The following LAMA4 variants were observed in gnomAD, a reference collection of about 807,000 sequenced individuals.
LAMA4 encodes laminin subunit alpha 4.
A neutral mutation model predicts 207.1 loss-of-function variants in LAMA4; 127 were observed. The observed-to-expected ratio is 0.61, with a 90% CI of 0.53 to 0.71. The LOEUF is 0.71. LAMA4 is among the 30% of genes least tolerant of loss of function. The probability of loss-of-function intolerance (pLI) is 0.00; values close to 1 mark genes in which losing one functional copy is unlikely to be tolerated. For missense variants in LAMA4, 2,093 were observed against 2,246.5 expected (o/e 0.93, Z 1.38); for synonymous variants, 761 against 816.0 (o/e 0.93, Z 1.15).
At chr6:112,217,247 A>G (rs1301572862) in intron 2 of LAMA4, among the ~76,000 whole-genome samples, 1 of 152,154 alleles carries the variant, frequency 6.6e-6, no homozygotes, top group Non-Finnish European at 1.5e-5. Flanking sequence ...GTGCCATTTG[A>G]GACACATTAT....
rs1554334170 is a variant in LAMA4 at position 112,144,895 on chromosome 6, G to A, written c.2392C>T (p.Gln798Ter). 1 of 1,614,030 alleles carries A rather than the reference G, an allele frequency of 6.2e-7. No individual in the cohort carries two copies. The highest frequency in any genetic ancestry group is 8.5e-7 in the Non-Finnish European group (1 of 1,179,994). ...CGCTTCTGCTCAACCGTACGAAGCTGATCCAGGAGCTGAGGGACAACCTCG... is the reference window on the plus strand; with the variant it reads ...CGCTTCTGCTCAACCGTACGAAGCTAATCCAGGAGCTGAGGGACAACCTCG... ...LTEVVPQLLD[Q>*]LRTVEQKRPA... The change falls in exon 19 of 39, where the codon CAG becomes TAG. Residue 798 changes from glutamine (Q) to a stop codon, truncating the protein, a stop_gained. Transcript: ENST00000230538. LOFTEE classifies it high-confidence loss of function.
At chr6:112,243,714 T>C (rs1301691519) in intron 2 of LAMA4, among the ~76,000 whole-genome samples, 1 of 152,196 alleles carries the variant, frequency 6.6e-6, no homozygotes, top group Non-Finnish European at 1.5e-5. Flanking sequence ...TAGAAGTAGA[T>C]ATCTTTTACA....
intron 3 of LAMA4, among the ~76,000 whole-genome samples, chr6:112,209,542 T>A (rs562373654): frequency 6.6e-6 from 1 of 152,312 alleles, no homozygotes; most frequent in Admixed American, 6.5e-5. Context: ...TTCTGGGAGA[T>A]TGGCAGACAG....
At chr6:112,163,206 C>A (rs536943298) in intron 13 of LAMA4, among the ~76,000 whole-genome samples, 1 of 152,192 alleles carries the variant, frequency 6.6e-6, no homozygotes, top group Admixed American at 6.5e-5. Context: ...TCTTGAACTC[C>A]TGGGTTCAAG....
rs782415114 is a variant in LAMA4 at position 112,109,597 on chromosome 6, A to C, written c.5327-15T>G. 6.2e-7 allele frequency: 1 copy of C among 1,613,994 alleles called. No homozygotes were observed. The highest frequency in any genetic ancestry group is 1.3e-5 in the African/African-American group (1 of 75,048). ...CAGTAGAGATTCTGAAAAGAGCAAG[A>C]AATAAAAACAAAGATTGCAATTGAG... On this transcript the variant is annotated splice_polypyrimidine_tract_variant and intron_variant, in intron 38 of 38. Coordinates refer to ENST00000230538, the MANE Select transcript of LAMA4 (RefSeq NM_001105206.3).
At chr6:112,231,447 A>T (rs1471280450) in intron 2 of LAMA4, among the ~76,000 whole-genome samples, 1 of 152,220 alleles carries the variant, frequency 6.6e-6, no homozygotes, top group Non-Finnish European at 1.5e-5. Context: ...CTCAATTTAA[A>T]TACAATAATT....
intron 17 of LAMA4, 196 bp downstream of exon 17, chr6:112,150,315 G>T: frequency 3.2e-6 from 2 of 624,042 alleles, no homozygotes; most frequent in Non-Finnish European, 5.8e-6. Context: ...TACGTGGTGT[G>T]ATTACAGCAT....
intron 24 of LAMA4, among the ~76,000 whole-genome samples, chr6:112,138,293 T>TG (rs1366348342): frequency 6.6e-6 from 1 of 152,180 alleles, no homozygotes; most frequent in Non-Finnish European, 1.5e-5. Context: ...GAAAACTATT[T>TG]GAGTTAGTAG....
intron 4 of LAMA4, 110 bp from the exon 5 acceptor site, chr6:112,201,798 G>A (rs1554352583): frequency 5.6e-6 from 5 of 892,558 alleles, no homozygotes; most frequent in East Asian, 2.4e-5. Flanking sequence ...TCTAATGGGT[G>A]CAATCATTTT....
At position 112,165,156 on chromosome 6, in the gene LAMA4, T is replaced by G; in HGVS notation, c.1668+4A>C. On this transcript the variant is annotated splice_donor_region_variant and intron_variant, in intron 13 of 38. Coordinates refer to ENST00000230538, the MANE Select transcript of LAMA4 (RefSeq NM_001105206.3). ...AAACCTGAACAAGTCACGTGCGTCC[T>G]TACCTTTATTATATCATCAAGTTCT... The G allele has an allele frequency of 6.4e-7, 1 of 1,553,356 alleles. No individual in the cohort carries two copies. Among genetic ancestry groups the G allele is most frequent in the Non-Finnish European group, 8.9e-7 (1 of 1,124,610 alleles).
intron 31 of LAMA4, 140 bp from the exon 32 acceptor site, chr6:112,122,341 TCTTTCCTACC>T (rs1481125887): frequency 4.5e-6 from 3 of 671,074 alleles, no homozygotes; most frequent in Non-Finnish European, 7.7e-6. Context: ...AGGTCCCCTC[TCTTTCCTACC>T]TCTAGCCCCA....
Position 112,172,709 on chromosome 6 carries a change from A to G in LAMA4, c.1453T>C (p.Leu485=), listed in dbSNP as rs1157197193. Residue 485 remains leucine, a synonymous_variant, in exon 12 of 39, where the codon TTG becomes CTG. Transcript: ENST00000230538. ...LEQLDDYNAK[L]SDLQEALDQA... is the part of the protein sequence containing the mutation. Reference sequence around the variant, plus strand: ...TCAAGTGCTTCCTGGAGATCTGACAACTTAGCATTGTAGTCATCCAGCTGC... The same window carrying G: ...TCAAGTGCTTCCTGGAGATCTGACAGCTTAGCATTGTAGTCATCCAGCTGC... 8.1e-6 allele frequency: 13 copies of G among 1,613,864 alleles called. No individual in the cohort carries two copies. Among genetic ancestry groups the G allele is most frequent in the Non-Finnish European group, 7.6e-6 (9 of 1,179,968 alleles).
At position 112,185,569 on chromosome 6, in the gene LAMA4, A is replaced by G. The variant is rs192645437; in HGVS notation, c.967-222T>C. Among the ~76,000 whole-genome samples, 1,067 of 152,264 alleles carry G rather than the reference A, an allele frequency of 7.0e-3. 6 individuals carry two copies. The highest frequency in any genetic ancestry group is 0.011 in the Non-Finnish European group (757 of 67,996). On this transcript the variant is annotated intron_variant, in intron 8 of 38. Transcript: ENST00000230538. ...TTCTGCAAGCTCCACTCACTAGACC[A>G]GGGATGCTGGTCAGGGGCTGGGTTG... is the stretch of plus-strand genomic sequence containing the variant.
At chr6:112,132,529 C>A (rs1330736749) in intron 28 of LAMA4, among the ~76,000 whole-genome samples, 1 of 152,120 alleles carries the variant, frequency 6.6e-6, no homozygotes, top group African/African-American at 2.4e-5. Context: ...TGAATTCTAT[C>A]CATGAACCCT....
chr6:112,227,233 G>A (rs1390588553), intron 2 of LAMA4, among the ~76,000 whole-genome samples: 2 of 151,898 alleles, frequency 1.3e-5, no homozygotes, highest in African/African-American at 4.8e-5. Flanking sequence ...ACCATGCCAG[G>A]CTAATTTTTG....
At chr6:112,187,715 C>T (rs1378189222) in intron 7 of LAMA4, 114 bp from the exon 8 acceptor site, 1 of 1,048,438 alleles carries the variant, frequency 9.5e-7, no homozygotes, top group African/African-American at 1.6e-5. Context: ...ATTTTTGTCT[C>T]ATGAAGAGCT....
At chr6:112,226,959 G>GA (rs1217139303) in intron 2 of LAMA4, among the ~76,000 whole-genome samples, 2 of 152,086 alleles carry the variant, frequency 1.3e-5, no homozygotes, top group Non-Finnish European at 2.9e-5. Context: ...TATGAAGAAA[G>GA]AAATAGGAAT....
chr6:112,174,490 T>C (rs1049804019), intron 11 of LAMA4, among the ~76,000 whole-genome samples: 2 of 151,830 alleles, frequency 1.3e-5, no homozygotes, highest in African/African-American at 4.8e-5. Flanking sequence ...ACATTTGGGG[T>C]GGTTTTTGTT....
At chr6:112,168,019 A>G (rs1048731981) in intron 12 of LAMA4, among the ~76,000 whole-genome samples, 4 of 152,036 alleles carry the variant, frequency 2.6e-5, no homozygotes, top group South Asian at 4.1e-4. Context: ...CATCCTGGTG[A>G]AACCCCATCT....
Sources: allele counts gnomAD v4.1 joint callset (sites outside exome capture counted in the v4.1 genomes callset), GRCh38; gene constraint gnomAD v4.1.1; transcripts MANE v1.5; gene names NCBI Gene and HGNC (gene_info 2026-07-23, HGNC 2026-07-21).